Variants in ADAMTS18 observed in about 807,000 individuals in gnomAD.
ADAMTS18 encodes the protein ADAM metallopeptidase with thrombospondin type 1 motif 18, also known as A disintegrin and metalloproteinase with thrombospondin motifs 18.
In ADAMTS18, 157 loss-of-function variants were observed where a neutral mutation model predicts 165.9. The ratio of observed to expected loss-of-function variants is 0.95; its 90% CI spans 0.83 to 1.08. The LOEUF is 1.08. Among genes scored for constraint, ADAMTS18 ranks in the 50% least tolerant of loss-of-function variants. ADAMTS18 has a pLI of 0.00. For missense variants in ADAMTS18, 2,040 were observed against 1,534.0 expected, an observed-to-expected ratio of 1.33 and a Z score of -5.51; for synonymous variants, 782 against 578.2, an observed-to-expected ratio of 1.35 and a Z score of -5.06.
chr16:77,293,405 C>T, intron 19 of ADAMTS18, 147 bp from the exon 20 acceptor site: 1 of 693,636 alleles, frequency 1.4e-6, no homozygotes, highest in Non-Finnish European at 2.5e-6. Context: ...TACTTAACCA[C>T]CCCCATTCCC....
rs199981786 is a variant in ADAMTS18, at chr16:77,293,277, T to G, written c.3007-19A>C. On this transcript the variant is annotated intron_variant, in intron 19 of 22. Coordinates refer to ENST00000282849, the MANE Select transcript of ADAMTS18 (RefSeq NM_199355.4). ...TGGAACACTTGAGAAGACAAAAAAG[T>G]TCTATTTGCATTCCCATTAGGTTTC... is the stretch of plus-strand genomic sequence containing the variant. 4.3e-6 allele frequency: 7 copies of G among 1,610,524 alleles called. No homozygotes were observed. In the East Asian group the frequency reaches 1.6e-4, roughly 36 times the overall value.
rs560690748 is a variant in ADAMTS18, at chr16:77,383,549, G to T, written c.496-15826C>A. On this transcript the variant is annotated intron_variant, in intron 3 of 22. Coordinates refer to ENST00000282849, the MANE Select transcript of ADAMTS18 (RefSeq NM_199355.4). Reference sequence around the variant, plus strand: ...TTTGTCCAAAGGCGACCTCTTTTTTGTTGTTGTTGTTGGAGACAGAGTCTC... The same window carrying T: ...TTTGTCCAAAGGCGACCTCTTTTTTTTTGTTGTTGTTGGAGACAGAGTCTC... Among the ~76,000 whole-genome samples, 21 of 151,482 alleles carry T rather than the reference G, an allele frequency of 1.4e-4. No individual in the cohort carries two copies. The South Asian group carries it at 3.6e-3, about 26-fold the overall frequency.
At chr16:77,348,464 C>T (rs377760182) in intron 10 of ADAMTS18, among the ~76,000 whole-genome samples, 4 of 152,180 alleles carry the variant, frequency 2.6e-5, no homozygotes, top group Non-Finnish European at 4.4e-5. Context: ...GTGCATCCTG[C>T]AGACAGGCAG....
At chr16:77,416,064 C>A (rs1156625060) in intron 3 of ADAMTS18, among the ~76,000 whole-genome samples, 1 of 151,810 alleles carries the variant, frequency 6.6e-6, no homozygotes, top group Non-Finnish European at 1.5e-5. Flanking sequence ...AAGCACTGGG[C>A]AATAAATAAT....
rs147040107 is a variant in ADAMTS18, at chr16:77,363,743, C to G, written c.1056+59G>C. ...TGGATTAGTGAACACAGTAGGTGTT[C>G]AAGAAATGTATTCTGAACGGCAGAC... On this transcript the variant is annotated intron_variant, in intron 6 of 22. Transcript: ENST00000282849. The G allele has an allele frequency of 5.2e-6, 8 of 1,524,810 alleles. 1 individual carries two copies. The highest frequency in any genetic ancestry group is 2.7e-5 in the African/African-American group (2 of 73,044). 94.5% of individuals were successfully genotyped at this position (1,524,810 alleles called of 1,614,324 possible). A position where few individuals can be genotyped will look rare whatever the true frequency, so the allele number is the denominator to read the frequency against.
rs934378192 is a variant in ADAMTS18, at chr16:77,302,400, G to A, written c.2533-1996C>T. On this transcript the variant is annotated intron_variant, in intron 16 of 22. Transcript: ENST00000282849. Reference sequence around the variant, plus strand: ...ACCACAGAAAATTATGCACTGTACCGTATTTACTTGTGTGGCAATACAATG... The same window carrying A: ...ACCACAGAAAATTATGCACTGTACCATATTTACTTGTGTGGCAATACAATG... 3.9e-5 allele frequency among the ~76,000 whole-genome samples: 6 copies of A among 152,138 alleles called. 1 individual carries two copies. Among genetic ancestry groups the A allele is most frequent in the South Asian group, 4.1e-4 (2 of 4,820 alleles).
At chr16:77,300,548 T>G (rs1025957882) in intron 16 of ADAMTS18, 144 bp from the exon 17 acceptor site, 2 of 983,856 alleles carry the variant, frequency 2.0e-6, no homozygotes, top group Non-Finnish European at 3.1e-6. Context: ...GTATGTTTTA[T>G]GTTGACTTAA....
At chr16:77,365,154 G>C (rs931189610) in intron 4 of ADAMTS18, among the ~76,000 whole-genome samples, 1 of 143,768 alleles carries the variant, frequency 7.0e-6, no homozygotes, top group Non-Finnish European at 1.5e-5. Flanking sequence ...TAGAGTCTCT[G>C]GGTGACAGAG....
At chr16:77,366,477 G>A (rs2056795899) in intron 4 of ADAMTS18, among the ~76,000 whole-genome samples, 1 of 152,196 alleles carries the variant, frequency 6.6e-6, no homozygotes. Context: ...AGAATTGCTT[G>A]AACCTGGTGG....
intron 10 of ADAMTS18, among the ~76,000 whole-genome samples, chr16:77,353,038 C>A (rs931321253): frequency 6.6e-6 from 1 of 152,076 alleles, no homozygotes; most frequent in African/African-American, 2.4e-5. Flanking sequence ...CAAGATCGTG[C>A]CACTGCCCTC....
At chr16:77,345,663 A>G (rs922600270) in intron 10 of ADAMTS18, among the ~76,000 whole-genome samples, 1 of 152,288 alleles carries the variant, frequency 6.6e-6, no homozygotes, top group South Asian at 2.1e-4. Flanking sequence ...CTGAATTTAC[A>G]TTACTTAAAA....
intron 7 of ADAMTS18, 136 bp downstream of exon 7, chr16:77,361,969 G>T: frequency 1.0e-6 from 1 of 979,516 alleles, no homozygotes. Context: ...TCACCACAGG[G>T]TACATTAGGT....
intron 6 of ADAMTS18, among the ~76,000 whole-genome samples, chr16:77,362,548 T>C (rs879470996): frequency 4.6e-5 from 7 of 152,180 alleles, no homozygotes; most frequent in African/African-American, 1.2e-4. Flanking sequence ...TAGTACTACC[T>C]TTATAAAACC....
At chr16:77,384,916 T>G (rs1176565817) in intron 3 of ADAMTS18, among the ~76,000 whole-genome samples, 3 of 152,080 alleles carry the variant, frequency 2.0e-5, no homozygotes, top group Non-Finnish European at 4.4e-5. Context: ...TAAGGTTTTT[T>G]TTTTTTTTTC....
chr16:77,293,328 ACACACT>A, intron 19 of ADAMTS18, 70 bp from the exon 20 acceptor site: 7 of 1,331,776 alleles, frequency 5.3e-6, no homozygotes, highest in Non-Finnish European at 7.5e-6. Context: ...AAAAAAAACA[ACACACT>A]AAATATATTC....
intron 18 of ADAMTS18, among the ~76,000 whole-genome samples, chr16:77,297,069 T>G (rs1282844589): frequency 2.6e-5 from 4 of 152,232 alleles, no homozygotes; most frequent in Admixed American, 1.3e-4. Context: ...CTGGAACTCC[T>G]GGGTTCTACT....
chr16:77,332,631 A>T (rs2056208365), intron 12 of ADAMTS18, among the ~76,000 whole-genome samples: 1 of 152,176 alleles, frequency 6.6e-6, no homozygotes, highest in African/African-American at 2.4e-5. Context: ...CTCTGTCTAC[A>T]TCATTCTGCC....
Position 77,376,018 on chromosome 16 carries a change from C to G in ADAMTS18, c.496-8295G>C, listed in dbSNP as rs149287957. ...TCCCGGGTTCAAGCGATTCTCCTGC[C>G]TCAGTCTCCTGAGTAGCTGGGATTA... is the stretch of plus-strand genomic sequence containing the variant. On this transcript the variant is annotated intron_variant, in intron 3 of 22. Coordinates refer to ENST00000282849, the MANE Select transcript of ADAMTS18 (RefSeq NM_199355.4). 9.6e-3 allele frequency among the ~76,000 whole-genome samples: 1,448 copies of G among 151,376 alleles called. 33 individuals carry two copies. Among genetic ancestry groups the G allele is most frequent in the African/African-American group, 0.033 (1,376 of 41,184 alleles).
intron 3 of ADAMTS18, among the ~76,000 whole-genome samples, chr16:77,406,473 T>A (rs1276526950): frequency 6.6e-6 from 1 of 152,010 alleles, no homozygotes. Flanking sequence ...ACACTTGAGG[T>A]CCTTGACACT....
Sources: allele counts gnomAD v4.1 joint callset (sites outside exome capture counted in the v4.1 genomes callset), GRCh38; gene constraint gnomAD v4.1.1; transcripts MANE v1.5; gene names NCBI Gene and HGNC (gene_info 2026-07-23, HGNC 2026-07-21).